Variants in TBC1D5 observed in about 807,000 individuals in gnomAD.
TBC1D5 encodes the protein TBC1 domain family, member 5.
In TBC1D5, 75 loss-of-function variants were observed where a neutral mutation model predicts 100.3. The ratio of observed to expected loss-of-function variants is 0.75; its 90% CI spans 0.62 to 0.91. The LOEUF (loss-of-function observed/expected upper bound fraction) is 0.91. Ranked by LOEUF, TBC1D5 falls within the 40% of genes least tolerant of loss-of-function variation. TBC1D5 has a pLI of 0.00. For missense variants in TBC1D5, 910 were observed against 942.4 expected (o/e 0.97, Z 0.45); for synonymous variants, 323 against 325.6 (o/e 0.99, Z 0.09).
chr3:17,386,771 T>C (rs559295943), intron 8 of TBC1D5, among the ~76,000 whole-genome samples: 1 of 152,294 alleles, frequency 6.6e-6, no homozygotes, highest in East Asian at 1.9e-4. Context: ...AATTCACGAA[T>C]CGTTCATTGC....
intron 4 of TBC1D5, among the ~76,000 whole-genome samples, chr3:17,407,548 T>C (rs2093804840): frequency 6.6e-6 from 1 of 152,168 alleles, no homozygotes; most frequent in Admixed American, 6.6e-5. Context: ...TACACACATG[T>C]GCAGTTGTCA....
intron 1 of TBC1D5, among the ~76,000 whole-genome samples, chr3:17,737,179 G>A (rs1453492125): frequency 6.6e-6 from 1 of 152,060 alleles, no homozygotes; most frequent in Non-Finnish European, 1.5e-5. Context: ...TTTCTCTGAT[G>A]TATCTTCCCC....
chr3:17,418,956 G>A (rs1057446000), intron 4 of TBC1D5, among the ~76,000 whole-genome samples: 1 of 152,194 alleles, frequency 6.6e-6, no homozygotes, highest in African/African-American at 2.4e-5. Flanking sequence ...TGGATACAGA[G>A]GGGCTGATTT....
chr3:17,516,052 CA>C (rs1275062222), intron 2 of TBC1D5, among the ~76,000 whole-genome samples: 1 of 152,170 alleles, frequency 6.6e-6, no homozygotes, highest in Non-Finnish European at 1.5e-5. Context: ...CCTTGCTAGC[CA>C]AAGTAGCTTA....
chr3:17,270,337 A>AT lies in TBC1D5; in HGVS notation c.1246-11747dup, dbSNP rs529023519. On this transcript the variant is annotated intron_variant, in intron 15 of 21. Coordinates refer to ENST00000253692, the Ensembl canonical transcript of TBC1D5. ...ATGTCCTCTGTCTACTTTTTAATGG[A>AT]TTTTTTTCCCTTGATTTGTTTAAGT... Among the ~76,000 whole-genome samples, 159 of 151,760 alleles carry AT rather than the reference A, an allele frequency of 1.0e-3. 1 individual carries two copies. Among genetic ancestry groups the AT allele is most frequent in the African/African-American group, 3.7e-3 (154 of 41,400 alleles).
chr3:17,315,747 TC>T (rs2084617594), intron 13 of TBC1D5, among the ~76,000 whole-genome samples: 1 of 152,120 alleles, frequency 6.6e-6, no homozygotes, highest in Non-Finnish European at 1.5e-5. Flanking sequence ...CAAAGGTTAT[TC>T]ATTCAGAGTT....
intron 13 of TBC1D5, among the ~76,000 whole-genome samples, chr3:17,319,460 C>T (rs1292892988): frequency 2.8e-5 from 4 of 142,062 alleles, no homozygotes; most frequent in South Asian, 4.4e-4. Context: ...TTGCAAATGG[C>T]GAAAAAGAAC....
intron 13 of TBC1D5, among the ~76,000 whole-genome samples, chr3:17,366,398 T>C (rs773900626): frequency 2.3e-4 from 35 of 152,154 alleles, no homozygotes; most frequent in Non-Finnish European, 4.9e-4. Context: ...TAATAAATTA[T>C]GAGTCATTAT....
chr3:17,341,404 G>A (rs908352063), intron 13 of TBC1D5, among the ~76,000 whole-genome samples: 1 of 152,096 alleles, frequency 6.6e-6, no homozygotes, highest in African/African-American at 2.4e-5. Flanking sequence ...CACTGTGTTA[G>A]CCAGGATGGT....
rs138129410 is a variant in TBC1D5, at chr3:17,311,551, C to T, written c.996-3417G>A. Among the ~76,000 whole-genome samples, 12 of 152,052 alleles carry T rather than the reference C, an allele frequency of 7.9e-5. No individual in the cohort carries two copies. In the East Asian group the frequency reaches 1.4e-3, roughly 17 times the overall value. ...GTGTTATTGCTTGGTGACTGACCCACGGAAACACCAAGAGAAATTCATTTT... is the reference window on the plus strand; with the variant it reads ...GTGTTATTGCTTGGTGACTGACCCATGGAAACACCAAGAGAAATTCATTTT... On this transcript the variant is annotated intron_variant, in intron 13 of 21. Coordinates refer to ENST00000253692, the Ensembl canonical transcript of TBC1D5.
At chr3:17,311,900 G>C (rs1378409296) in intron 13 of TBC1D5, among the ~76,000 whole-genome samples, 1 of 151,972 alleles carries the variant, frequency 6.6e-6, no homozygotes, top group Non-Finnish European at 1.5e-5. Context: ...TATCAATTTT[G>C]TGTTTTGCTT....
intron 8 of TBC1D5, among the ~76,000 whole-genome samples, chr3:17,397,166 C>T (rs1036125443): frequency 6.6e-6 from 1 of 151,784 alleles, no homozygotes; most frequent in Admixed American, 6.6e-5. Flanking sequence ...TTTTTACTTC[C>T]CTACCTGCTC....
intron 13 of TBC1D5, among the ~76,000 whole-genome samples, chr3:17,322,038 C>T (rs2085477054): frequency 6.6e-6 from 1 of 152,136 alleles, no homozygotes; most frequent in African/African-American, 2.4e-5. Context: ...CTATGTATTT[C>T]TCCTTATATT....
rs1214069654 is a variant in TBC1D5, at chr3:17,270,563, C to T, written c.1246-11972G>A. Among the ~76,000 whole-genome samples the T allele has an allele frequency of 2.0e-5, 3 of 152,274 alleles. No homozygotes were observed. In the East Asian group the frequency reaches 5.8e-4, roughly 29 times the overall value. ...TGCAAAGTTTGCAAATATTTTCTCC[C>T]ATTCTGTAGGTTGTCTACTCTGTTG... On this transcript the variant is annotated intron_variant, in intron 15 of 21. Transcript: ENST00000253692.
At chr3:17,370,940 C>T (rs1023732836) in intron 13 of TBC1D5, among the ~76,000 whole-genome samples, 9 of 152,150 alleles carry the variant, frequency 5.9e-5, no homozygotes, top group Non-Finnish European at 1.3e-4. Context: ...CTGCCTAGCA[C>T]TACATATAAA....
chr3:17,293,779 G>A (rs2081988673), intron 14 of TBC1D5, among the ~76,000 whole-genome samples: 1 of 152,224 alleles, frequency 6.6e-6, no homozygotes, highest in South Asian at 2.1e-4. Flanking sequence ...GTAATATCAA[G>A]CAGCTATTAC....
chr3:17,730,054 T>A (rs1362156194), intron 1 of TBC1D5, among the ~76,000 whole-genome samples: 1 of 151,652 alleles, frequency 6.6e-6, no homozygotes, highest in Non-Finnish European at 1.5e-5. Flanking sequence ...GAGGTTGCAG[T>A]GAGCCAAGAA....
chr3:17,541,217 T>C (rs557379007), intron 2 of TBC1D5, among the ~76,000 whole-genome samples: 29 of 151,204 alleles, frequency 1.9e-4, no homozygotes, highest in African/African-American at 4.4e-4. Flanking sequence ...AAAAAAGTCA[T>C]TGGGATTTTG....
intron 1 of TBC1D5, among the ~76,000 whole-genome samples, chr3:17,713,403 G>C (rs2074940699): frequency 6.6e-6 from 1 of 151,844 alleles, no homozygotes; most frequent in Non-Finnish European, 1.5e-5. Context: ...CACCACGCCC[G>C]GCTAATTTTT....
Sources: gnomAD v4.1 joint callset for allele counts (sites outside exome capture counted in the v4.1 genomes callset) on GRCh38, gnomAD v4.1.1 for gene constraint, MANE v1.5 for transcripts, NCBI Gene and HGNC (gene_info 2026-07-23, HGNC 2026-07-21) for gene names.